GLT1D1: variants seen among roughly 807,000 people sequenced by gnomAD.
GLT1D1 encodes glycosyltransferase 1 domain containing 1, also known as glycosyltransferase 1 domain-containing protein 1.
In GLT1D1, 21 loss-of-function variants were observed where a neutral mutation model predicts 28.7. The observed-to-expected ratio is 0.73, with a 90% CI of 0.52 to 1.05. The LOEUF is 1.05. GLT1D1 is among the 50% of genes least tolerant of loss of function. The probability of loss-of-function intolerance (pLI) is 0.00; values close to 1 mark genes in which losing one functional copy is unlikely to be tolerated. For missense variants in GLT1D1, 343 were observed against 330.6 expected, an observed-to-expected ratio of 1.04 and a Z score of -0.29; for synonymous variants, 147 against 124.8, an observed-to-expected ratio of 1.18 and a Z score of -1.19.
rs558828899 is a variant in GLT1D1 at position 128,897,918 on chromosome 12, T to C, written c.324-1318T>C. ...TCCTGACCTTGTGATCCGCCCGCCT[T>C]GGACTCCCAAAGTGCTGGGATTACA... On this transcript the variant is annotated intron_variant, in intron 3 of 7. Transcript: ENST00000281703. Among the ~76,000 whole-genome samples the C allele has an allele frequency of 1.8e-4, 28 of 152,282 alleles. No homozygotes were observed. The South Asian group carries it at 3.1e-3, about 17-fold the overall frequency.
intron 4 of GLT1D1, chr12:128,944,353 T>A: frequency 1.2e-6 from 1 of 837,866 alleles, no homozygotes; most frequent in Non-Finnish European, 2.0e-6. Context: ...CTTGTTGGTT[T>A]CTGTTCTGGA....
chr12:128,876,970 A>G (rs146587841), intron 2 of GLT1D1, among the ~76,000 whole-genome samples: 1 of 152,342 alleles, frequency 6.6e-6, no homozygotes, highest in East Asian at 1.9e-4. Flanking sequence ...AATTAATAGT[A>G]AATAGTGAAG....
intron 2 of GLT1D1, among the ~76,000 whole-genome samples, chr12:128,882,714 C>T (rs142838629): frequency 2.0e-5 from 3 of 152,190 alleles, no homozygotes; most frequent in Non-Finnish European, 4.4e-5. Flanking sequence ...GCATGCATAC[C>T]GATCCATCGT....
At chr12:128,897,659 A>C (rs1274287583) in intron 3 of GLT1D1, among the ~76,000 whole-genome samples, 1 of 152,032 alleles carries the variant, frequency 6.6e-6, no homozygotes, top group Non-Finnish European at 1.5e-5. Flanking sequence ...ACCTTATGCT[A>C]TGTCAAATTC....
At chr12:128,962,446 C>A (rs1878062076) in intron 7 of GLT1D1, among the ~76,000 whole-genome samples, 1 of 152,194 alleles carries the variant, frequency 6.6e-6, no homozygotes, top group Non-Finnish European at 1.5e-5. Context: ...GGAAAGACTT[C>A]CTGGCAAACA....
At chr12:128,887,863 GTC>G (rs1293878333) in intron 2 of GLT1D1, among the ~76,000 whole-genome samples, 3 of 152,278 alleles carry the variant, frequency 2.0e-5, no homozygotes, top group Non-Finnish European at 4.4e-5. Context: ...GTAGGCCATA[GTC>G]TCTCTGAAAT....
chr12:128,934,306 C>T (rs1241580244), intron 4 of GLT1D1, among the ~76,000 whole-genome samples: 1 of 146,284 alleles, frequency 6.8e-6, no homozygotes, highest in Non-Finnish European at 1.5e-5. Flanking sequence ...TGGGTTCAAA[C>T]GATTCTCCTT....
At chr12:128,862,996 A>G (rs1173181730) in intron 1 of GLT1D1, among the ~76,000 whole-genome samples, 2 of 152,202 alleles carry the variant, frequency 1.3e-5, no homozygotes, top group Non-Finnish European at 2.9e-5. Context: ...GGGTCCAAGG[A>G]AGAGCTTCCC....
intron 7 of GLT1D1, among the ~76,000 whole-genome samples, chr12:128,962,077 C>T (rs1593194870): frequency 2.0e-5 from 3 of 150,502 alleles, no homozygotes; most frequent in Non-Finnish European, 4.4e-5. Context: ...GTCTGTGCCC[C>T]GTCCCCCTCC....
intron 4 of GLT1D1, chr12:128,944,356 G>A: frequency 2.3e-6 from 2 of 854,920 alleles, no homozygotes; most frequent in Non-Finnish European, 3.9e-6. Context: ...GTTGGTTTCT[G>A]TTCTGGAGAA....
intron 4 of GLT1D1, among the ~76,000 whole-genome samples, chr12:128,943,302 G>A (rs190744218): frequency 2.8e-4 from 43 of 151,828 alleles, no homozygotes; most frequent in African/African-American, 9.7e-4. Context: ...ATTTACTAAC[G>A]ACAAAGTGTG....
intron 4 of GLT1D1, among the ~76,000 whole-genome samples, chr12:128,903,554 A>AG (rs1870532163): frequency 6.6e-6 from 1 of 151,442 alleles, no homozygotes; most frequent in Admixed American, 6.6e-5. Flanking sequence ...TGAGTATAAC[A>AG]TGTTTTACTT....
At chr12:128,955,517 TA>T (rs1416597016) in intron 6 of GLT1D1, among the ~76,000 whole-genome samples, 10 of 17,938 alleles carry the variant, frequency 5.6e-4, no homozygotes, top group African/African-American at 1.4e-3. Context: ...CTCGGTGTTG[TA>T]TTTTTTTTTT....
At chr12:128,873,904 T>G (rs1412716578) in intron 1 of GLT1D1, among the ~76,000 whole-genome samples, 1 of 133,356 alleles carries the variant, frequency 7.5e-6, no homozygotes, top group Non-Finnish European at 1.6e-5. Flanking sequence ...TCCCTTTCTC[T>G]TTCTTTCTCT....
chr12:128,935,959 A>G (rs1030584451), intron 4 of GLT1D1, among the ~76,000 whole-genome samples: 6 of 152,126 alleles, frequency 3.9e-5, no homozygotes, highest in Non-Finnish European at 7.3e-5. Context: ...CATGTCGTGG[A>G]TTCTGGATCC....
chr12:128,874,080 CTTTCTTTCTT>C (rs1172757105), intron 1 of GLT1D1, among the ~76,000 whole-genome samples: 296 of 10,922 alleles, frequency 0.027, 7 homozygotes, highest in Non-Finnish European at 0.037. Flanking sequence ...TTCTTTCTTT[CTTTCTTTCTT>C]TCTTTCTTTC....
intron 3 of GLT1D1, among the ~76,000 whole-genome samples, chr12:128,890,934 G>T (rs1444795306): frequency 6.6e-6 from 1 of 152,148 alleles, no homozygotes; most frequent in African/African-American, 2.4e-5. Context: ...GGGAGGCAGA[G>T]GTTGCAGTGA....
At chr12:128,947,575 G>C (rs1331883014) in intron 6 of GLT1D1, 117 bp downstream of exon 10, 2 of 1,173,236 alleles carry the variant, frequency 1.7e-6, no homozygotes, top group Middle Eastern at 2.3e-4. Context: ...AAGCTAAAAA[G>C]GCCAAGCAGC....
chr12:128,970,465 G>A (rs1040139573), intron 7 of GLT1D1, among the ~76,000 whole-genome samples: 15 of 152,000 alleles, frequency 9.9e-5, no homozygotes, highest in Non-Finnish European at 1.6e-4. Flanking sequence ...CTTCCAGCCC[G>A]CCCACTCCCT....
Sources: gnomAD v4.1 joint callset for allele counts (sites outside exome capture counted in the v4.1 genomes callset) on GRCh38, gnomAD v4.1.1 for gene constraint, MANE v1.5 for transcripts, NCBI Gene and HGNC (gene_info 2026-07-23, HGNC 2026-07-21) for gene names.